NKAIN2: variants seen among roughly 807,000 people sequenced by gnomAD.
The protein encoded by NKAIN2 is sodium/potassium-transporting ATPase subunit beta-1-interacting protein 2.
NKAIN2 carries 14 observed loss-of-function variants against 32.6 expected under a neutral mutation model. That is an observed-to-expected ratio of 0.43 (90% CI 0.28 to 0.67). The LOEUF is 0.67. Ranked by LOEUF, NKAIN2 falls within the 30% of genes least tolerant of loss-of-function variation. The pLI, the probability that NKAIN2 is intolerant of heterozygous loss-of-function variation, is 0.17. For synonymous variants in NKAIN2, 80 were observed against 87.2 expected, an observed-to-expected ratio of 0.92 and a Z score of 0.46; for missense variants, 198 against 258.3, an observed-to-expected ratio of 0.77 and a Z score of 1.60.
chr6:124,778,258 G>GA (rs5879762), intron 4 of NKAIN2, among the ~76,000 whole-genome samples: 151,944 of 151,966 alleles, frequency 1, 75,961 homozygotes, highest in Middle Eastern at 1. Context: ...GAAGTTAAGG[G>GA]AAAAAAACTA....
intron 3 of NKAIN2, among the ~76,000 whole-genome samples, chr6:124,451,279 A>T (rs762305251): frequency 2.4e-4 from 37 of 152,210 alleles, no homozygotes; most frequent in Non-Finnish European, 4.0e-4. Context: ...GCAGATTTTT[A>T]AAACACAACA....
intron 2 of NKAIN2, among the ~76,000 whole-genome samples, chr6:124,289,067 A>G (rs1297803682): frequency 6.6e-6 from 1 of 152,234 alleles, no homozygotes; most frequent in African/African-American, 2.4e-5. Flanking sequence ...AAGCCAATAC[A>G]CATGAATCTT....
intron 1 of NKAIN2, chr6:123,829,399 A>G (rs1442631348): frequency 1.3e-5 from 2 of 152,192 alleles, no homozygotes; most frequent in East Asian, 3.9e-4. Flanking sequence ...TAGCTGTTGT[A>G]TCGGACATAG....
intron 1 of NKAIN2, among the ~76,000 whole-genome samples, chr6:123,955,058 T>G (rs1000140940): frequency 6.6e-6 from 1 of 151,666 alleles, no homozygotes; most frequent in Non-Finnish European, 1.5e-5. Flanking sequence ...AGGAGAGAGA[T>G]AACTAGATAG....
intron 3 of NKAIN2, among the ~76,000 whole-genome samples, chr6:124,604,162 T>C (rs1053902256): frequency 3.3e-5 from 5 of 151,960 alleles, no homozygotes; most frequent in African/African-American, 9.7e-5. Flanking sequence ...CTCTAACACA[T>C]ACCCACTGAG....
At chr6:124,617,767 T>C (rs1022184557) in intron 3 of NKAIN2, among the ~76,000 whole-genome samples, 1 of 152,118 alleles carries the variant, frequency 6.6e-6, no homozygotes, top group South Asian at 2.1e-4. Flanking sequence ...TAGCTCTCTA[T>C]GATTTGAGTA....
At chr6:123,981,016 C>T (rs1048810320) in intron 1 of NKAIN2, among the ~76,000 whole-genome samples, 7 of 151,934 alleles carry the variant, frequency 4.6e-5, no homozygotes, top group African/African-American at 4.8e-5. Context: ...ACTACAGGCA[C>T]GCACCACCAT....
chr6:123,936,983 T>G (rs1776540774), intron 1 of NKAIN2, among the ~76,000 whole-genome samples: 1 of 152,078 alleles, frequency 6.6e-6, no homozygotes, highest in African/African-American at 2.4e-5. Flanking sequence ...TATTCCCTGT[T>G]AAGTTCTAGA....
intron 2 of NKAIN2, among the ~76,000 whole-genome samples, chr6:124,328,390 G>T (rs1256978424): frequency 1.3e-5 from 2 of 152,082 alleles, no homozygotes; most frequent in African/African-American, 4.8e-5. Context: ...TACTACTACA[G>T]TTTATGCTTA....
intron 3 of NKAIN2, among the ~76,000 whole-genome samples, chr6:124,504,619 C>G (rs1045952844): frequency 1.3e-5 from 2 of 152,150 alleles, no homozygotes; most frequent in Non-Finnish European, 2.9e-5. Context: ...TTCAAGTAAT[C>G]AACAATGCCT....
At chr6:123,945,664 C>A (rs371108880) in intron 1 of NKAIN2, among the ~76,000 whole-genome samples, 11 of 152,196 alleles carry the variant, frequency 7.2e-5, no homozygotes, top group African/African-American at 2.4e-4. Flanking sequence ...GACTTACTCC[C>A]TTCTCCTTTT....
At chr6:123,880,069 G>A (rs531285524) in intron 1 of NKAIN2, among the ~76,000 whole-genome samples, 4 of 152,298 alleles carry the variant, frequency 2.6e-5, no homozygotes, top group South Asian at 4.1e-4. Flanking sequence ...GATCCTGGGC[G>A]AGAAGGGCAC....
intron 1 of NKAIN2, among the ~76,000 whole-genome samples, chr6:124,197,837 G>T (rs371146227): frequency 1.6e-3 from 148 of 94,402 alleles, no homozygotes; most frequent in African/African-American, 4.8e-3. Flanking sequence ...CCTGTGTCTG[G>T]TTTTTTTTTT....
intron 1 of NKAIN2, among the ~76,000 whole-genome samples, chr6:124,143,531 A>G (rs1254788381): frequency 6.6e-6 from 1 of 151,864 alleles, no homozygotes; most frequent in Admixed American, 6.6e-5. Context: ...CAAACAAGGA[A>G]TAGAATAAAA....
At chr6:123,820,941 A>G (rs1773896770) in intron 1 of NKAIN2, among the ~76,000 whole-genome samples, 2 of 152,200 alleles carry the variant, frequency 1.3e-5, no homozygotes, top group Non-Finnish European at 2.9e-5. Context: ...GGCCTCATTC[A>G]AGAAACAATT....
In NKAIN2 at chr6:123,940,773, G is replaced by A. The variant is rs575538103; in HGVS notation, c.54+136519G>A. The stretch of plus-strand genomic sequence containing the variant: ...TGAGTGAGTCACGGTGAGTGAATGC[G>A]AAGGCCTAGGACATTACTGTACACT... On this transcript the variant is annotated intron_variant, in intron 1 of 6. Coordinates refer to ENST00000368417, the MANE Select transcript of NKAIN2 (RefSeq NM_001040214.3). Among the ~76,000 whole-genome samples, 12 of 152,112 alleles carry A rather than the reference G, an allele frequency of 7.9e-5. No homozygotes were observed. In the South Asian group the frequency reaches 1.2e-3, roughly 16 times the overall value.
chr6:124,348,004 T>A (rs1314561739), intron 2 of NKAIN2, among the ~76,000 whole-genome samples: 1 of 152,286 alleles, frequency 6.6e-6, no homozygotes. Context: ...GATGTACAGA[T>A]GGGTTTTTGG....
intron 3 of NKAIN2, among the ~76,000 whole-genome samples, chr6:124,473,457 T>A (rs1171752854): frequency 6.6e-6 from 1 of 152,184 alleles, no homozygotes; most frequent in Admixed American, 6.6e-5. Flanking sequence ...TCAAGAACAT[T>A]TATGGCTTTG....
chr6:124,782,396 C>T (rs775036199), intron 4 of NKAIN2, among the ~76,000 whole-genome samples: 1 of 152,036 alleles, frequency 6.6e-6, no homozygotes, highest in Non-Finnish European at 1.5e-5. Context: ...GAAATGTTAA[C>T]GTAGTTTTAG....
Sources: allele counts gnomAD v4.1 joint callset (sites outside exome capture counted in the v4.1 genomes callset), GRCh38; gene constraint gnomAD v4.1.1; transcripts MANE v1.5; gene names NCBI Gene and HGNC (gene_info 2026-07-23, HGNC 2026-07-21).